SDK1: variants seen among roughly 807,000 people sequenced by gnomAD.
SDK1 encodes sidekick cell adhesion molecule 1.
In SDK1, 157 loss-of-function variants were observed where a neutral mutation model predicts 245.5. The observed-to-expected ratio is 0.64, with a 90% confidence interval of 0.56 to 0.73. SDK1 has a LOEUF of 0.73. Among genes scored for constraint, SDK1 ranks in the 30% least tolerant of loss-of-function variants. SDK1 has a pLI of 0.00. For missense variants in SDK1, 3,583 were observed against 3,002.3 expected (o/e 1.19, Z -4.52); for synonymous variants, 1,647 against 1,278.5 (o/e 1.29, Z -6.15).
intron 25 of SDK1, among the ~76,000 whole-genome samples, chr7:4,120,978 ACT>A (rs1206512054): frequency 6.6e-6 from 1 of 151,050 alleles, no homozygotes; most frequent in African/African-American, 2.4e-5. Flanking sequence ...CTGATTTGAG[ACT>A]CTTTTTTTTT....
At chr7:4,148,279 C>A (rs545877104) in intron 29 of SDK1, among the ~76,000 whole-genome samples, 11 of 152,224 alleles carry the variant, frequency 7.2e-5, no homozygotes, top group African/African-American at 2.7e-4. Context: ...GCTTTACACA[C>A]GCCACGCATT....
chr7:3,354,821 CAG>C (rs1780749763), intron 1 of SDK1, among the ~76,000 whole-genome samples: 1 of 152,112 alleles, frequency 6.6e-6, no homozygotes, highest in African/African-American at 2.4e-5. Flanking sequence ...AAAATGAAAA[CAG>C]AATGAAGCAG....
intron 1 of SDK1, among the ~76,000 whole-genome samples, chr7:3,378,350 G>T (rs778809372): frequency 1.3e-5 from 2 of 152,224 alleles, no homozygotes; most frequent in Non-Finnish European, 2.9e-5. Context: ...GTCCTTGTTA[G>T]TTCATAAGAC....
At chr7:3,774,880 G>A (rs992872544) in intron 4 of SDK1, among the ~76,000 whole-genome samples, 3 of 152,086 alleles carry the variant, frequency 2.0e-5, no homozygotes, top group Non-Finnish European at 2.9e-5. Context: ...CTTCTAATTG[G>A]GACTGTTAAA....
chr7:3,912,259 A>G (rs1025724194), intron 5 of SDK1, among the ~76,000 whole-genome samples: 19 of 152,182 alleles, frequency 1.2e-4, no homozygotes, highest in African/African-American at 4.6e-4. Context: ...CTATAGGAGG[A>G]GGAGCTTTCT....
intron 4 of SDK1, among the ~76,000 whole-genome samples, chr7:3,797,740 A>T (rs1472638312): frequency 2.0e-5 from 3 of 152,148 alleles, no homozygotes; most frequent in Non-Finnish European, 2.9e-5. Flanking sequence ...AAGGATCTAA[A>T]TTTTTTTAAA....
intron 4 of SDK1, among the ~76,000 whole-genome samples, chr7:3,790,036 G>A (rs571765786): frequency 6.6e-6 from 1 of 152,136 alleles, no homozygotes. Flanking sequence ...GGACCAAATA[G>A]TTATTCAGCG....
rs182587973 is a variant in SDK1 at position 3,754,422 on chromosome 7, T to C, written c.714-67028T>C. 9.3e-4 allele frequency among the ~76,000 whole-genome samples: 142 copies of C among 152,302 alleles called. 1 individual carries two copies. Among genetic ancestry groups the C allele is most frequent in the African/African-American group, 3.3e-3 (139 of 41,540 alleles). On this transcript the variant is annotated intron_variant, in intron 4 of 44. Coordinates refer to ENST00000404826, the MANE Select transcript of SDK1 (RefSeq NM_152744.4). ...TTACAGGTGGTGAGAAAGAAAACTC[T>C]TTTATTGAAGCATTAAAATGTTACA... is the stretch of plus-strand genomic sequence containing the variant.
chr7:3,594,595 A>C (rs1424297484), intron 1 of SDK1, among the ~76,000 whole-genome samples: 3 of 152,118 alleles, frequency 2.0e-5, no homozygotes, highest in Non-Finnish European at 2.9e-5. Flanking sequence ...ATCCTTGCCA[A>C]CACTTGTAAT....
intron 30 of SDK1, among the ~76,000 whole-genome samples, chr7:4,156,719 G>A (rs1272102095): frequency 6.6e-6 from 1 of 152,208 alleles, no homozygotes; most frequent in Non-Finnish European, 1.5e-5. Context: ...GACCCAGGCC[G>A]AATGCATAAA....
chr7:3,969,456 G>T lies in SDK1; in HGVS notation c.1714+32G>T, dbSNP rs372275887. 8.1e-5 allele frequency: 120 copies of T among 1,485,268 alleles called. No individual in the cohort carries two copies. In the African/African-American group the frequency reaches 1.0e-3, roughly 13 times the overall value. 92.0% of individuals were successfully genotyped at this position (1,485,268 alleles called of 1,614,324 possible). ...AGCAGCCCTCGCACGTCGGCCTTCT[G>T]TTAGCCACGGTTTAATCATCACGTC... On this transcript the variant is annotated intron_variant, in intron 11 of 44. Transcript: ENST00000404826.
chr7:3,543,883 C>T (rs557663834), intron 1 of SDK1, among the ~76,000 whole-genome samples: 2 of 152,300 alleles, frequency 1.3e-5, no homozygotes, highest in East Asian at 3.9e-4. Flanking sequence ...CTTGATAGTA[C>T]AAACACCAAC....
intron 1 of SDK1, among the ~76,000 whole-genome samples, chr7:3,580,973 A>AC (rs1780462249): frequency 8.3e-6 from 1 of 121,012 alleles, no homozygotes; most frequent in African/African-American, 3.7e-5. Context: ...CATCTCAAAA[A>AC]AAAAAAAAAA....
chr7:4,252,091 T>A (rs558748643), intron 44 of SDK1, among the ~76,000 whole-genome samples: 14 of 152,322 alleles, frequency 9.2e-5, no homozygotes, highest in African/African-American at 3.4e-4. Context: ...AGTTTTAGGG[T>A]ACATGTGCAC....
intron 19 of SDK1, among the ~76,000 whole-genome samples, 171 bp downstream of exon 19, chr7:4,052,001 C>T (rs964754758): frequency 4.6e-5 from 7 of 152,086 alleles, no homozygotes; most frequent in Non-Finnish European, 7.4e-5. Flanking sequence ...GATAATGCCT[C>T]GCAGAGGATG....
chr7:3,720,587 G>A (rs367698645), intron 4 of SDK1, among the ~76,000 whole-genome samples: 3 of 152,176 alleles, frequency 2.0e-5, no homozygotes, highest in African/African-American at 4.8e-5. Context: ...CCAGATAATG[G>A]CGTGAGAATG....
chr7:3,381,408 G>A (rs1477834658), intron 1 of SDK1, among the ~76,000 whole-genome samples: 1 of 152,046 alleles, frequency 6.6e-6, no homozygotes, highest in Non-Finnish European at 1.5e-5. Flanking sequence ...GTGACTGTGG[G>A]CTGCATGGTG....
At position 4,017,333 on chromosome 7, in the gene SDK1, C is replaced by T. The variant is rs1221909411; in HGVS notation, c.2583C>T (p.Thr861=). ...AGLGVFSRAV[T]EYTLQGVPTA... is the part of the protein sequence containing the mutation. Reference sequence around the variant, plus strand: ...TGGGCGTCTTCAGCAGGGCAGTGACCGAGTACACCTTGCAGGGAGGTAAGC... The same window carrying T: ...TGGGCGTCTTCAGCAGGGCAGTGACTGAGTACACCTTGCAGGGAGGTAAGC... The change falls in exon 17 of 45, where the codon ACC becomes ACT. Residue 861 remains threonine, a synonymous_variant. Coordinates refer to ENST00000404826, the MANE Select transcript of SDK1 (RefSeq NM_152744.4). The T allele has an allele frequency of 6.2e-6, 10 of 1,611,394 alleles. No homozygotes were observed. The highest frequency in any genetic ancestry group is 1.6e-4 in the Middle Eastern group (1 of 6,070).
chr7:3,469,782 C>G (rs756799947), intron 1 of SDK1, among the ~76,000 whole-genome samples: 1 of 152,074 alleles, frequency 6.6e-6, no homozygotes, highest in Non-Finnish European at 1.5e-5. Flanking sequence ...AGAGCTTTAT[C>G]TAAAGAGAGA....
Sources: gnomAD v4.1 joint callset for allele counts (sites outside exome capture counted in the v4.1 genomes callset) on GRCh38, gnomAD v4.1.1 for gene constraint, MANE v1.5 for transcripts, NCBI Gene and HGNC (gene_info 2026-07-23, HGNC 2026-07-21) for gene names.